WDR64: variants seen among roughly 807,000 people sequenced by gnomAD.
WDR64 encodes WD repeat domain 64, also known as WD repeat-containing protein 64.
In WDR64, 112 loss-of-function variants were observed where a neutral mutation model predicts 139.3. That is an observed-to-expected ratio of 0.80 (90% CI 0.69 to 0.94). WDR64 has a LOEUF of 0.94. Among genes scored for constraint, WDR64 ranks in the 40% least tolerant of loss-of-function variants. The pLI is 0.00. For synonymous variants in WDR64, 444 were observed against 437.7 expected (o/e 1.01, Z -0.18); for missense variants, 1,206 against 1,293.1 (o/e 0.93, Z 1.03).
chr1:241,723,263 A>C (rs1228187405), intron 9 of WDR64, 34 bp from the exon 10 acceptor site: 1 of 1,611,330 alleles, frequency 6.2e-7, no homozygotes, highest in Non-Finnish European at 8.5e-7. Flanking sequence ...ACCACCTCAG[A>C]AAACCAACAA....
intron 23 of WDR64, among the ~76,000 whole-genome samples, chr1:241,786,069 C>T (rs375393665): frequency 5.3e-5 from 8 of 152,204 alleles, no homozygotes; most frequent in South Asian, 2.1e-4. Flanking sequence ...TATTAAAGGG[C>T]TGGTCTATTT....
At chr1:241,696,659 T>A (rs1667500453) in intron 8 of WDR64, among the ~76,000 whole-genome samples, 1 of 152,162 alleles carries the variant, frequency 6.6e-6, no homozygotes, top group Non-Finnish European at 1.5e-5. Context: ...CAAACCGTCA[T>A]GGCACTGGTG....
At chr1:241,775,507 T>G (rs533191624) in intron 21 of WDR64, among the ~76,000 whole-genome samples, 9 of 152,366 alleles carry the variant, frequency 5.9e-5, no homozygotes, top group African/African-American at 1.9e-4. Context: ...AAATATAGTT[T>G]TAATTTTTCA....
chr1:241,788,123 G>GC, intron 24 of WDR64, 89 bp downstream of exon 24: 3 of 1,209,546 alleles, frequency 2.5e-6, no homozygotes, highest in Non-Finnish European at 3.4e-6. Context: ...AGAATTCAAG[G>GC]CAAGAGGTCC....
In WDR64 at chr1:241,757,442, TTTTCTCAACCTACTGATGTAAG is replaced by T. The variant is rs1670241517; in HGVS notation, c.1935_1947+9del. 2 of 1,610,716 alleles carry T rather than the reference TTTTCTCAACCTACTGATGTAAG, an allele frequency of 1.2e-6. No individual in the cohort carries two copies. Among genetic ancestry groups the T allele is most frequent in the Non-Finnish European group, 1.7e-6 (2 of 1,178,856 alleles). ...TGTCGAGTTGATAGTTGAGAGGAAC[TTTTCTCAACCTACTGATGTAAG>T]TTTCCTCTCTTGGTTTCTTTTTAAC... On this transcript the variant is annotated splice_donor_variant and splice_donor_5th_base_variant and coding_sequence_variant and intron_variant, in exon 15 of 28. Coordinates refer to ENST00000437684, the MANE Select transcript of WDR64 (RefSeq NM_001367482.1). LOFTEE classifies it high-confidence loss of function.
intron 19 of WDR64, among the ~76,000 whole-genome samples, chr1:241,771,915 CAT>C (rs1191384984): frequency 9.1e-6 from 1 of 109,438 alleles, no homozygotes; most frequent in Non-Finnish European, 1.9e-5. Flanking sequence ...CACACATATA[CAT>C]ATATACATAC....
chr1:241,771,013 T>C (rs1658407574), intron 18 of WDR64, among the ~76,000 whole-genome samples: 1 of 152,214 alleles, frequency 6.6e-6, no homozygotes, highest in African/African-American at 2.4e-5. Context: ...ACCATCTCTT[T>C]TGCTAAAATG....
chr1:241,661,335 T>G (rs1203030059), intron 2 of WDR64, among the ~76,000 whole-genome samples: 1 of 151,664 alleles, frequency 6.6e-6, no homozygotes, highest in Non-Finnish European at 1.5e-5. Context: ...CACATTAGGC[T>G]AAAAAGAAAA....
At chr1:241,718,349 C>T (rs767274440) in intron 9 of WDR64, among the ~76,000 whole-genome samples, 2 of 152,100 alleles carry the variant, frequency 1.3e-5, no homozygotes, top group African/African-American at 2.4e-5. Context: ...TTAGGGAAGG[C>T]GCTGCGGAGA....
chr1:241,680,434 G>T (rs1666734908), intron 6 of WDR64, among the ~76,000 whole-genome samples: 1 of 152,116 alleles, frequency 6.6e-6, no homozygotes, highest in Admixed American at 6.5e-5. Flanking sequence ...TATAGACCAG[G>T]TTTTATTAAT....
At chr1:241,685,923 G>T (rs1468150341) in intron 7 of WDR64, among the ~76,000 whole-genome samples, 1 of 152,142 alleles carries the variant, frequency 6.6e-6, no homozygotes, top group Non-Finnish European at 1.5e-5. Context: ...TAATATGTGT[G>T]CCACCTGTCA....
At chr1:241,783,176 C>T (rs1340677037) in intron 22 of WDR64, 96 bp from the exon 23 acceptor site, 5 of 1,047,558 alleles carry the variant, frequency 4.8e-6, no homozygotes, top group Non-Finnish European at 7.2e-6. Context: ...ATCTTCCACT[C>T]ATAAGCTTGG....
intron 2 of WDR64, among the ~76,000 whole-genome samples, chr1:241,669,596 C>T (rs1394018608): frequency 6.6e-6 from 1 of 152,058 alleles, no homozygotes; most frequent in Non-Finnish European, 1.5e-5. Context: ...TCTCGATGAG[C>T]CTGATTTTCC....
intron 11 of WDR64, among the ~76,000 whole-genome samples, chr1:241,740,175 C>G (rs1321442000): frequency 6.6e-6 from 1 of 152,218 alleles, no homozygotes; most frequent in Non-Finnish European, 1.5e-5. Context: ...GAGCTTCTAA[C>G]TCTGGACTCC....
At chr1:241,721,368 T>C (rs1226504238) in intron 9 of WDR64, among the ~76,000 whole-genome samples, 1 of 150,044 alleles carries the variant, frequency 6.7e-6, no homozygotes, top group East Asian at 1.9e-4. Flanking sequence ...AGGCTTTTTA[T>C]ATGTAAATTA....
rs143056139 is a variant in WDR64 at position 241,672,838 on chromosome 1, G to A, written c.379+1662G>A. Among the ~76,000 whole-genome samples, 827 of 152,176 alleles carry A rather than the reference G, an allele frequency of 5.4e-3. 13 individuals are homozygous for A. The highest frequency in any genetic ancestry group is 0.019 in the African/African-American group (792 of 41,520). On this transcript the variant is annotated intron_variant, in intron 3 of 27. Coordinates refer to ENST00000437684, the MANE Select transcript of WDR64 (RefSeq NM_001367482.1). ...TGCATTTCAGGTAGTGGGGAGAGTG[G>A]TGGGAGCTAAGGTTGGAGAAGCAAC...
intron 3 of WDR64, among the ~76,000 whole-genome samples, chr1:241,671,423 T>G (rs1474076423): frequency 3.3e-5 from 5 of 152,170 alleles, no homozygotes; most frequent in African/African-American, 1.2e-4. Context: ...AAAATTCACA[T>G]TTTCCTGAAA....
chr1:241,665,040 G>A (rs1167152527), intron 2 of WDR64, among the ~76,000 whole-genome samples: 1 of 151,302 alleles, frequency 6.6e-6, no homozygotes, highest in Non-Finnish European at 1.5e-5. Flanking sequence ...CTATGAAGAA[G>A]AAGAAGGAGA....
At chr1:241,673,119 T>C (rs532609598) in intron 3 of WDR64, among the ~76,000 whole-genome samples, 1 of 147,230 alleles carries the variant, frequency 6.8e-6, no homozygotes, top group African/African-American at 2.5e-5. Flanking sequence ...TTCTCACTCA[T>C]AGGTGGGAAC....
Sources: allele counts gnomAD v4.1 joint callset (sites outside exome capture counted in the v4.1 genomes callset), GRCh38; gene constraint gnomAD v4.1.1; transcripts MANE v1.5; gene names NCBI Gene and HGNC (gene_info 2026-07-23, HGNC 2026-07-21).